The following GRIN2C variants were observed in gnomAD, a reference collection of about 807,000 sequenced individuals.
GRIN2C encodes glutamate receptor ionotropic, NMDA 2C.
In GRIN2C, 64 loss-of-function variants were observed where a neutral mutation model predicts 77.7. That is an observed-to-expected ratio of 0.82 (90% CI 0.67 to 1.01). The LOEUF is 1.01. Among genes scored for constraint, GRIN2C ranks in the 50% least tolerant of loss-of-function variants. The pLI is 0.00. For synonymous variants in GRIN2C, 792 were observed against 643.4 expected, an observed-to-expected ratio of 1.23 and a Z score of -3.49; for missense variants, 1,549 against 1,486.0, an observed-to-expected ratio of 1.04 and a Z score of -0.70.
chr17:74,846,566 C>T lies in GRIN2C; in HGVS notation c.2162+194G>A, dbSNP rs1206295047. ...GGCTGAGGCTGAACTTTGATTGGCACCACAGCTGTGTTCTGAGACACATGG... is the reference window on the plus strand; with the variant it reads ...GGCTGAGGCTGAACTTTGATTGGCATCACAGCTGTGTTCTGAGACACATGG... On this transcript the variant is annotated intron_variant, in intron 10 of 12. Coordinates refer to ENST00000293190, the MANE Select transcript of GRIN2C (RefSeq NM_000835.6). The surrounding 1 kb of genome is among the most constrained non-coding windows in gnomAD (Gnocchi z 4.4). Among the ~76,000 whole-genome samples the T allele has an allele frequency of 6.6e-6, 1 of 152,180 alleles. No homozygotes were observed. Among genetic ancestry groups the T allele is most frequent in the Admixed American group, 6.5e-5 (1 of 15,288 alleles).
At position 74,843,398 on chromosome 17, in the gene GRIN2C, C is replaced by T; in HGVS notation, c.2739G>A (p.Leu913=). ...TCTCGATGGTGCGAGTGGCGCGGTC[C>T]AGGGAGCTGCTTACGCCCGCCGTGG... ...MVTTAGVSSS[L]DRATRTIENW... is the part of the protein sequence containing the mutation. Residue 913 remains leucine, a synonymous_variant, in exon 13 of 13, where the codon CTG becomes CTA. Coordinates refer to ENST00000293190, the MANE Select transcript of GRIN2C (RefSeq NM_000835.6). 1.3e-6 allele frequency: 2 copies of T among 1,535,564 alleles called. No homozygotes were observed. Among genetic ancestry groups the T allele is most frequent in the Non-Finnish European group, 8.7e-7 (1 of 1,145,836 alleles).
At position 74,852,135 on chromosome 17, in the gene GRIN2C, G is replaced by A; in HGVS notation, c.876C>T (p.Gly292=). ...GGGCGCCCAGGGCCAGAATGGCCAC[G>A]CCGTCGCGCACCTTCTGGCGCAGGC... The part of the protein sequence containing the change: ...RLSLRQKVRD[G]VAILALGAHS... The change falls in exon 3 of 13, where the codon GGC becomes GGT. Residue 292 remains glycine (G), a synonymous_variant. Coordinates refer to ENST00000293190, the MANE Select transcript of GRIN2C (RefSeq NM_000835.6). The A allele has an allele frequency of 6.9e-7, 1 of 1,454,960 alleles. No homozygotes were observed. The highest frequency in any genetic ancestry group is 9.1e-7 in the Non-Finnish European group (1 of 1,103,766). The allele number at this position is 1,454,960 out of a possible 1,614,324, so 90.1% of individuals were successfully genotyped here.
In GRIN2C at chr17:74,852,452, C is replaced by A. The variant is rs368226820; in HGVS notation, c.559G>T (p.Asp187Tyr). Reference protein sequence around the residue: ...LFLEGVRAVADASHVSWRLLD... With the variant: ...LFLEGVRAVAYASHVSWRLLD... ...AGCCGCCAACTCACGTGGCTGGCGT[C>A]GGCGACGGCGCGCACGCCCTCCAGG... Residue 187 changes from aspartate (D) to tyrosine (Y), a missense_variant, in exon 3 of 13, where the codon GAC becomes TAC. Asp to Tyr is a radical substitution (Grantham distance 160, BLOSUM62 -3). Coordinates refer to ENST00000293190, the MANE Select transcript of GRIN2C (RefSeq NM_000835.6). 6.5e-7 allele frequency: 1 copy of A among 1,546,096 alleles called. No homozygotes were observed. The highest frequency in any genetic ancestry group is 2.6e-5 in the East Asian group (1 of 39,034).
Position 74,852,302 on chromosome 17 carries a change from A to G in GRIN2C, c.709T>C (p.Phe237Leu), listed in dbSNP as rs1274164338. 75 of 1,435,366 alleles carry G rather than the reference A, an allele frequency of 5.2e-5. No homozygotes were observed. Among genetic ancestry groups the G allele is most frequent in the Non-Finnish European group, 6.8e-5 (75 of 1,101,374 alleles). 88.9% of individuals were successfully genotyped at this position (1,435,366 alleles called of 1,614,324 possible). ...AGACCGGCCTGCGCCGCCTCGGCGAAGAGCACCTCGGCCTCCTCGCGCGAG... is the reference window on the plus strand; with the variant it reads ...AGACCGGCCTGCGCCGCCTCGGCGAGGAGCACCTCGGCCTCCTCGCGCGAG... ...YCSREEAEVLFAEAAQAGLVG... is the reference protein window; with the variant it reads ...YCSREEAEVLLAEAAQAGLVG... The change falls in exon 3 of 13, where the codon TTC becomes CTC. Residue 237 changes from phenylalanine (F) to leucine (L), a missense_variant. Around this residue, in one of 3 missense-constraint regions of GRIN2C, gnomAD observed 382 missense variants for 360.0 expected, o/e 1.06. Transcript: ENST00000293190.
At chr17:74,851,988 C>G in intron 3 of GRIN2C, 25 bp downstream of exon 3, 1 of 1,460,040 alleles carries the variant, frequency 6.8e-7, no homozygotes, top group Non-Finnish European at 9.1e-7. Context: ...ACCTCCCTAC[C>G]CCTATGCCCC....
At position 74,850,211 on chromosome 17, in the gene GRIN2C, C is replaced by T; in HGVS notation, c.1486G>A (p.Gly496Arg). Residue 496 changes from glycine (G) to arginine (R), a missense_variant, in exon 6 of 13, where the codon GGG becomes AGG. Gly to Arg is a moderately radical substitution (Grantham distance 125, BLOSUM62 -2). Transcript: ENST00000293190. The surrounding 1 kb of genome is among the most constrained non-coding windows in gnomAD (Gnocchi z 5.3). ...GGGAGTGGGGTGGGGCCTACCTCCC[C>T]AATCATGCCGTTCCATACGCCGCGC... ...RVRGVWNGMIGEVYYKRADMA... is the reference protein window; with the variant it reads ...RVRGVWNGMIREVYYKRADMA... 6.2e-7 allele frequency: 1 copy of T among 1,613,412 alleles called. No homozygotes were observed. The highest frequency in any genetic ancestry group is 8.5e-7 in the Non-Finnish European group (1 of 1,179,944).
chr17:74,843,247 C>A lies in GRIN2C; in HGVS notation c.2890G>T (p.Asp964Tyr). Residue 964 changes from aspartate to tyrosine, a missense_variant, in exon 13 of 13, where the codon GAC (aspartate) becomes TAC (tyrosine). Asp to Tyr is a radical substitution (Grantham distance 160). Coordinates refer to ENST00000293190, the MANE Select transcript of GRIN2C (RefSeq NM_000835.6). ...CGCACAAGCGCCGCGCGACCCCCGT[C>A]TGGCGGTCCCCAGCCCGTGGGGCTC... ...EPSPTGWGPP[D>Y]GGRAALVRRA... 1 of 714,418 alleles carries A rather than the reference C, an allele frequency of 1.4e-6. No homozygotes were observed. Among genetic ancestry groups the A allele is most frequent in the Non-Finnish European group, 2.0e-6 (1 of 490,342 alleles). The allele number at this position is 714,418 out of a possible 1,614,324, so 44.3% of individuals were successfully genotyped here.
Position 74,844,501 on chromosome 17 carries a change from T to A in GRIN2C, c.2358A>T (p.Thr786=), listed in dbSNP as rs761985013. ...ALLQFLGDGE[T]QKLETVWLSG... ...AGAGCCACACTGTCTCCAGTTTCTG[T>A]GTCTCTCCTGGAGTTGGGGGGTGTA... Residue 786 remains threonine (T), a synonymous_variant, in exon 12 of 13, where the codon ACA becomes ACT. Transcript: ENST00000293190. 7 of 1,613,894 alleles carry A rather than the reference T, an allele frequency of 4.3e-6. No individual in the cohort carries two copies. Among genetic ancestry groups the A allele is most frequent in the Non-Finnish European group, 5.9e-6 (7 of 1,179,908 alleles).
In GRIN2C at chr17:74,844,291, C is replaced by T; in HGVS notation, c.2568G>A (p.Leu856=). ...GGGCACCCACCCTGCTGAAAGCCAGCAGGAAGTCCAGCTGGGATGAGTTGG... is the reference window on the plus strand; with the variant it reads ...GGGCACCCACCCTGCTGAAAGCCAGTAGGAAGTCCAGCTGGGATGAGTTGG... ...SVPNSSQLDF[L]LAFSRGIYSC... Residue 856 remains leucine (L), a synonymous_variant, in exon 12 of 13, where the codon CTG becomes CTA. Transcript: ENST00000293190. 6.2e-7 allele frequency: 1 copy of T among 1,613,866 alleles called. No homozygotes were observed. The highest frequency in any genetic ancestry group is 2.2e-5 in the East Asian group (1 of 44,868).
chr17:74,842,934 T>G lies in GRIN2C; in HGVS notation c.3203A>C (p.His1068Pro). The change falls in exon 13 of 13, where the codon CAC becomes CCC. Residue 1068 changes from histidine (H) to proline (P), a missense_variant. His to Pro is a moderately conservative substitution (Grantham distance 77). Coordinates refer to ENST00000293190, the MANE Select transcript of GRIN2C (RefSeq NM_000835.6). ...EQLARREALL[H>P]AAWARGSRPR... ...GCGCGAGCCCCGGGCCCAGGCCGCGTGCAGCAGGGCCTCCCGCCGGGCCAG... is the reference window on the plus strand; with the variant it reads ...GCGCGAGCCCCGGGCCCAGGCCGCGGGCAGCAGGGCCTCCCGCCGGGCCAG... 1 of 565,930 alleles carries G rather than the reference T, an allele frequency of 1.8e-6. No individual in the cohort carries two copies. Among genetic ancestry groups the G allele is most frequent in the Non-Finnish European group, 3.1e-6 (1 of 322,052 alleles). The allele number at this position is 565,930 out of a possible 1,614,324, so 35.1% of individuals were successfully genotyped here.
upstream of GRIN2C, chr17:74,860,330 G>A (rs2037922960): frequency 4.6e-6 from 2 of 439,200 alleles, no homozygotes; most frequent in South Asian, 1.6e-5. Flanking sequence ...CTAAGATAAC[G>A]CCACCATCCG....
Position 74,851,998 on chromosome 17 carries a change from C to T in GRIN2C, c.998+15G>A, listed in dbSNP as rs1261179587. 6.8e-6 allele frequency: 10 copies of T among 1,464,706 alleles called. No individual in the cohort carries two copies. The Admixed American group carries it at 1.5e-4, about 22-fold the overall frequency. The allele number at this position is 1,464,706 out of a possible 1,614,324, so 90.7% of individuals were successfully genotyped here. ...TCCCCACCTCCCTACCCCTATGCCC[C>T]GGGCAGGTGCCCACCTGTAGAAGGC... On this transcript the variant is annotated intron_variant, in intron 3 of 12. Transcript: ENST00000293190.
rs1316521701 is a variant in GRIN2C, at chr17:74,843,536, G to A, written c.2601C>T (p.Phe867=). 5.9e-6 allele frequency: 9 copies of A among 1,533,202 alleles called. No individual in the cohort carries two copies. Among genetic ancestry groups the A allele is most frequent in the Non-Finnish European group, 7.9e-6 (9 of 1,146,446 alleles). The allele number at this position is 1,533,202 out of a possible 1,614,324, so 95.0% of individuals were successfully genotyped here. A position where few individuals can be genotyped will look rare whatever the true frequency, so the allele number is the denominator to read the frequency against. ...GGCTGGCGAGGCTCTGCACCCCGCT[G>A]AAGCAGCTGTAGATGCCCTGGGCAG... The part of the protein sequence containing the change: ...LAFSRGIYSC[F]SGVQSLASPP... Residue 867 remains phenylalanine (F), a synonymous_variant, in exon 13 of 13, where the codon TTC becomes TTT. Coordinates refer to ENST00000293190, the MANE Select transcript of GRIN2C (RefSeq NM_000835.6).
At position 74,850,897 on chromosome 17, in the gene GRIN2C, T is replaced by TGGGAGCAG; in HGVS notation, c.1114-131_1114-130insCTGCTCCC. On this transcript the variant is annotated intron_variant, in intron 4 of 12. Transcript: ENST00000293190. The surrounding 1 kb of genome is among the most constrained non-coding windows in gnomAD (Gnocchi z 5.3). ...CTGGGGCAGGTCAGAGTAGGGCTGC[T>TGGGAGCAG]CCCAACAGCCTCCCCCAGCCTCGGG... 1.4e-6 allele frequency: 1 copy of TGGGAGCAG among 732,630 alleles called. No homozygotes were observed. Among genetic ancestry groups the TGGGAGCAG allele is most frequent in the Non-Finnish European group, 2.3e-6 (1 of 430,782 alleles). The allele number at this position is 732,630 out of a possible 1,614,324, so 45.4% of individuals were successfully genotyped here.
chr17:74,849,108 T>A lies in GRIN2C; in HGVS notation c.1645+672A>T, dbSNP rs536331860. 6.6e-6 allele frequency among the ~76,000 whole-genome samples: 1 copy of A among 151,212 alleles called. No individual in the cohort carries two copies. The highest frequency in any genetic ancestry group is 2.0e-4 in the East Asian group (1 of 5,092). On this transcript the variant is annotated intron_variant, in intron 7 of 12. Coordinates refer to ENST00000293190, the MANE Select transcript of GRIN2C (RefSeq NM_000835.6). This position sits in a 1 kb window ranked among gnomAD's most constrained non-coding sequence, Gnocchi z 4.6. Reference sequence around the variant, plus strand: ...TCAATCCTGCCATGAGCACTTGCTATGCTATGAAGTGGTTTTTTTTTTCCT... The same window carrying A: ...TCAATCCTGCCATGAGCACTTGCTAAGCTATGAAGTGGTTTTTTTTTTCCT...
rs756949493 is a variant in GRIN2C, at chr17:74,847,867, G to A, written c.1756C>T (p.Leu586Phe). Residue 586 changes from leucine to phenylalanine, a missense_variant, in exon 8 of 13, where the codon CTC becomes TTC. Transcript: ENST00000293190. The surrounding 1 kb of genome is among the most constrained non-coding windows in gnomAD (Gnocchi z 5.2). Reference sequence around the variant, plus strand: ...CAAGGCTTACTCTTGCCTCTGGTGAGGTTCTGGTTGTAGCTGACAGGGCTG... The same window carrying A: ...CAAGGCTTACTCTTGCCTCTGGTGAAGTTCTGGTTGTAGCTGACAGGGCTG... ...YFSPVSYNQN[L>F]TRGKKSGGPA... The A allele has an allele frequency of 6.2e-7, 1 of 1,614,074 alleles. No individual in the cohort carries two copies. The highest frequency in any genetic ancestry group is 8.5e-7 in the Non-Finnish European group (1 of 1,179,986).
At chr17:74,860,472 G>A (rs192382308), upstream of GRIN2C, 204 of 456,710 alleles carry the variant, frequency 4.5e-4, 1 homozygote, top group East Asian at 0.012. Context: ...GCAGGGTCGC[G>A]GGACGCACCT....
intron 4 of GRIN2C, 57 bp downstream of exon 4, chr17:74,851,517 AGAG>A: frequency 1.1e-6 from 1 of 935,316 alleles, no homozygotes; most frequent in Non-Finnish European, 1.7e-6. Flanking sequence ...TGTGGGCACA[AGAG>A]GAGGCGGGGA....
chr17:74,845,791 A>G (rs373949689), intron 11 of GRIN2C, among the ~76,000 whole-genome samples: 6 of 152,022 alleles, frequency 3.9e-5, no homozygotes, highest in East Asian at 3.9e-4. Context: ...CACTCCACCC[A>G]TCCCCACCCC....
Sources: gnomAD v4.1 joint callset for allele counts (sites outside exome capture counted in the v4.1 genomes callset) on GRCh38, gnomAD v4.1.1 for gene constraint, gnomAD v4.1.1 regional missense constraint, Gnocchi (gnomAD v3.1) non-coding constraint, MANE v1.5 for transcripts, NCBI Gene and HGNC (gene_info 2026-07-23, HGNC 2026-07-21) for gene names.